PPIL6: variants seen among roughly 807,000 people sequenced by gnomAD.
PPIL6 encodes the protein peptidylprolyl isomerase like 6, also known as probable inactive peptidyl-prolyl cis-trans isomerase-like 6.
Under a neutral mutation model 36.8 loss-of-function variants are expected in PPIL6, and 39 were observed. The observed-to-expected ratio is 1.06, with a 90% CI of 0.82 to 1.38. The LOEUF (loss-of-function observed/expected upper bound fraction) is 1.38, where lower values mean the gene tolerates loss of function less well. PPIL6 is among the 40% of genes most tolerant of loss of function. The probability of loss-of-function intolerance (pLI) is 0.00; values close to 1 mark genes in which losing one functional copy is unlikely to be tolerated. For synonymous variants in PPIL6, 123 were observed against 134.1 expected (o/e 0.92, Z 0.57); for missense variants, 368 against 379.1 (o/e 0.97, Z 0.24).
At chr6:109,424,429 C>T (rs1467712050) in intron 5 of PPIL6, among the ~76,000 whole-genome samples, 4 of 152,116 alleles carry the variant, frequency 2.6e-5, no homozygotes, top group Non-Finnish European at 5.9e-5. Flanking sequence ...GCCTGTTAGT[C>T]CCAAAGGGCA....
At chr6:109,401,026 A>ATTTTTTTTTT (rs749611966) in intron 6 of PPIL6, among the ~76,000 whole-genome samples, 387 of 114,896 alleles carry the variant, frequency 3.4e-3, no homozygotes, top group African/African-American at 6.8e-3. Context: ...TGCCCGGCTA[A>ATTTTTTTTTT]TTTTTTTTTT....
intron 3 of PPIL6, 82 bp downstream of exon 3, chr6:109,431,075 T>A (rs1436343800): frequency 2.0e-6 from 2 of 975,638 alleles, no homozygotes; most frequent in Non-Finnish European, 3.1e-6. Flanking sequence ...ATCTCCTTCA[T>A]TAGGACATCA....
chr6:109,440,507 C>G lies in PPIL6; in HGVS notation c.84G>C (p.Val28=). 6.6e-7 allele frequency: 1 copy of G among 1,525,736 alleles called. No individual in the cohort carries two copies. Among genetic ancestry groups the G allele is most frequent in the Non-Finnish European group, 8.8e-7 (1 of 1,137,052 alleles). 94.5% of individuals were successfully genotyped at this position (1,525,736 alleles called of 1,614,324 possible). A position where few individuals can be genotyped will look rare whatever the true frequency, so the allele number is the denominator to read the frequency against. The change falls in exon 1 of 8, where the codon GTG becomes GTC. Residue 28 remains valine, a synonymous_variant. Coordinates refer to ENST00000521072, the MANE Select transcript of PPIL6 (RefSeq NM_173672.5). The part of the protein sequence containing the change: ...SLPERPLQVK[V]VGLFSCPNFQ... ...AGTTGGGGCAGCTGAAGAGCCCCAC[C>G]ACCTTCACCTGCAGCGGCCGCTCCG...
intron 3 of PPIL6, among the ~76,000 whole-genome samples, chr6:109,428,553 G>GAAA (rs57264975): frequency 1.1e-4 from 4 of 36,894 alleles, no homozygotes; most frequent in African/African-American, 3.2e-4. Context: ...ACCCTATGAA[G>GAAA]AAAAAAAAAA....
Position 109,437,018 on chromosome 6 carries a change from G to A in PPIL6, c.136-819C>T, listed in dbSNP as rs138225683. Among the ~76,000 whole-genome samples, 772 of 152,272 alleles carry A rather than the reference G, an allele frequency of 5.1e-3. 5 individuals carry two copies. The highest frequency in any genetic ancestry group is 0.017 in the African/African-American group (716 of 41,538). Reference sequence around the variant, plus strand: ...GGGGGATGACCAAAAAGATAATAACGTTGTGGTTATACCCCTTAGGAAAAA... The same window carrying A: ...GGGGGATGACCAAAAAGATAATAACATTGTGGTTATACCCCTTAGGAAAAA... On this transcript the variant is annotated intron_variant, in intron 1 of 7. Coordinates refer to ENST00000521072, the MANE Select transcript of PPIL6 (RefSeq NM_173672.5).
chr6:109,404,099 C>G (rs1475347392), intron 6 of PPIL6, among the ~76,000 whole-genome samples: 1 of 152,192 alleles, frequency 6.6e-6, no homozygotes, highest in African/African-American at 2.4e-5. Flanking sequence ...ACTGAATGCA[C>G]TGGGACTCCA....
At chr6:109,428,236 C>T (rs1422326404) in intron 3 of PPIL6, among the ~76,000 whole-genome samples, 1 of 152,156 alleles carries the variant, frequency 6.6e-6, no homozygotes, top group Non-Finnish European at 1.5e-5. Context: ...TAATGGAGTA[C>T]ATTTCAAGTC....
chr6:109,431,362 C>CAAAAAAAA lies in PPIL6; in HGVS notation c.232-25_232-18dup. On this transcript the variant is annotated splice_polypyrimidine_tract_variant and intron_variant, in intron 2 of 7. Coordinates refer to ENST00000521072, the MANE Select transcript of PPIL6 (RefSeq NM_173672.5). ...TTTGAGTTCCTGTAAGGGAAAAGGA[C>CAAAAAAAA]AAAAAAAAAAAAAAACGTAAGAAGT... 1 of 1,071,756 alleles carries CAAAAAAAA rather than the reference C, an allele frequency of 9.3e-7. No individual in the cohort carries two copies. The highest frequency in any genetic ancestry group is 1.2e-6 in the Non-Finnish European group (1 of 805,438). The allele number at this position is 1,071,756 out of a possible 1,614,324, so 66.4% of individuals were successfully genotyped here.
At chr6:109,435,839 TG>T (rs1482104135) in intron 2 of PPIL6, among the ~76,000 whole-genome samples, 3 of 152,214 alleles carry the variant, frequency 2.0e-5, no homozygotes, top group South Asian at 2.1e-4. Context: ...GTAGGAGGAC[TG>T]CTTGAATCCA....
chr6:109,398,244 C>G (rs1772383275), intron 7 of PPIL6, among the ~76,000 whole-genome samples: 1 of 151,982 alleles, frequency 6.6e-6, no homozygotes, highest in African/African-American at 2.4e-5. Context: ...TATTGGGGAC[C>G]AGGGAAAACT....
Position 109,435,147 on chromosome 6 carries a change from C to T in PPIL6, c.231+957G>A, listed in dbSNP as rs148996793. ...GAGTTTAAGGGCCAAGAGGGCCAGG[C>T]CACATTAACCAGCTCGGTGCCAGGG... is the stretch of plus-strand genomic sequence containing the variant. On this transcript the variant is annotated intron_variant, in intron 2 of 7. Coordinates refer to ENST00000521072, the MANE Select transcript of PPIL6 (RefSeq NM_173672.5). Among the ~76,000 whole-genome samples the T allele has an allele frequency of 1.1e-3, 171 of 152,240 alleles. 1 individual carries two copies. The South Asian group carries it at 0.018, about 16-fold the overall frequency.
chr6:109,423,586 A>C (rs1266302316), intron 5 of PPIL6, among the ~76,000 whole-genome samples: 1 of 152,078 alleles, frequency 6.6e-6, no homozygotes. Context: ...GAATTTTCTT[A>C]CTGGAATTAT....
At chr6:109,414,269 T>TC (rs1282974497) in intron 6 of PPIL6, among the ~76,000 whole-genome samples, 1 of 152,052 alleles carries the variant, frequency 6.6e-6, no homozygotes, top group African/African-American at 2.4e-5. Flanking sequence ...AACAAAAAAA[T>TC]TCCTCTGCCT....
At chr6:109,410,889 C>T (rs770571255) in intron 6 of PPIL6, among the ~76,000 whole-genome samples, 17 of 152,204 alleles carry the variant, frequency 1.1e-4, no homozygotes, top group Middle Eastern at 6.8e-3. Flanking sequence ...AAGGGTGTCC[C>T]GCCACCCCCA....
intron 6 of PPIL6, among the ~76,000 whole-genome samples, chr6:109,408,009 C>A (rs996932693): frequency 8.5e-5 from 13 of 152,160 alleles, no homozygotes; most frequent in Admixed American, 8.5e-4. Flanking sequence ...GATTAATGCT[C>A]ACCACCAGTT....
At chr6:109,396,051 G>A (rs185213024) in intron 7 of PPIL6, among the ~76,000 whole-genome samples, 9 of 152,102 alleles carry the variant, frequency 5.9e-5, no homozygotes, top group African/African-American at 1.7e-4. Flanking sequence ...TAGCCAGGAT[G>A]GTCTCGATCG....
chr6:109,434,267 G>A (rs1325673036), intron 2 of PPIL6, among the ~76,000 whole-genome samples: 5 of 152,112 alleles, frequency 3.3e-5, no homozygotes, highest in South Asian at 2.1e-4. Context: ...TATAATTTAT[G>A]TATATAAGCT....
At chr6:109,414,470 CTTTTAGCTTTTT>C (rs1773152349) in intron 6 of PPIL6, among the ~76,000 whole-genome samples, 1 of 123,944 alleles carries the variant, frequency 8.1e-6, no homozygotes, top group African/African-American at 3.0e-5. Flanking sequence ...TTCTTAATGT[CTTTTAGCTTTTT>C]TTTTTTTTTT....
At chr6:109,425,870 A>G (rs551252911) in intron 5 of PPIL6, among the ~76,000 whole-genome samples, 18 of 152,342 alleles carry the variant, frequency 1.2e-4, no homozygotes, top group African/African-American at 4.3e-4. Flanking sequence ...TTTTATACTA[A>G]CAAAAAATAG....
Sources: gnomAD v4.1 joint callset for allele counts (sites outside exome capture counted in the v4.1 genomes callset) on GRCh38, gnomAD v4.1.1 for gene constraint, MANE v1.5 for transcripts, NCBI Gene and HGNC (gene_info 2026-07-23, HGNC 2026-07-21) for gene names.